FRMPD4: variants seen among roughly 807,000 people sequenced by gnomAD.
The protein encoded by FRMPD4 is FERM and PDZ domain-containing protein 4.
FRMPD4 carries 22 observed loss-of-function variants against 94.1 expected under a neutral mutation model. The ratio of observed to expected loss-of-function variants is 0.23; its 90% CI spans 0.17 to 0.33. FRMPD4 has a LOEUF of 0.33. Ranked by LOEUF, FRMPD4 falls within the 10% of genes least tolerant of loss-of-function variation. The pLI, the probability that FRMPD4 is intolerant of heterozygous loss-of-function variation, is 1.00. For missense variants in FRMPD4, 1,111 were observed against 1,339.9 expected, an observed-to-expected ratio of 0.83 and a Z score of 2.67; for synonymous variants, 631 against 548.6, an observed-to-expected ratio of 1.15 and a Z score of -2.10.
intron 1 of FRMPD4, among the ~76,000 whole-genome samples, chrX:12,411,639 C>T (rs1490972954): frequency 8.9e-6 from 1 of 111,985 alleles, no homozygotes; most frequent in African/African-American, 3.2e-5. Flanking sequence ...GATGCTAAAG[C>T]GTGGGAAATG....
intron 3 of FRMPD4, among the ~76,000 whole-genome samples, chrX:12,053,416 A>G (rs772286734): frequency 1.0e-5 from 1 of 99,028 alleles, no homozygotes; most frequent in Non-Finnish European, 2.1e-5. Context: ...GAAAGAAAGA[A>G]AGAAAGAAAG....
chrX:12,498,645 A>G, intron 1 of FRMPD4, 35 bp from the exon 2 acceptor site: 1 of 749,634 alleles, frequency 1.3e-6, no homozygotes. Flanking sequence ...TTCAGGAGTC[A>G]GGTGTAATGA....
chrX:12,122,033 G>C (rs2147536958), intron 3 of FRMPD4, among the ~76,000 whole-genome samples: 1 of 111,919 alleles, frequency 8.9e-6, no homozygotes, highest in East Asian at 2.8e-4. Context: ...TTATGAGTTT[G>C]ATATAATTAT....
chrX:12,629,454 T>C (rs761922682), intron 4 of FRMPD4, among the ~76,000 whole-genome samples: 2 of 112,413 alleles, frequency 1.8e-5, no homozygotes, highest in East Asian at 5.6e-4. Flanking sequence ...ACCTCTGTAA[T>C]GTATTAGCTG....
At chrX:12,195,374 G>A (rs974566153) in intron 1 of FRMPD4, among the ~76,000 whole-genome samples, 6 of 111,676 alleles carry the variant, frequency 5.4e-5, no homozygotes, top group Non-Finnish European at 7.5e-5. Flanking sequence ...CAGCTACACG[G>A]CAAGGATACA....
At chrX:11,884,614 C>T (rs183734531) in intron 3 of FRMPD4, among the ~76,000 whole-genome samples, 9 of 111,254 alleles carry the variant, frequency 8.1e-5, no homozygotes, top group African/African-American at 9.8e-5. Flanking sequence ...AACACACATA[C>T]ACATAATATG....
At chrX:12,400,725 GTT>G (rs2056599271) in intron 1 of FRMPD4, among the ~76,000 whole-genome samples, 3 of 111,789 alleles carry the variant, frequency 2.7e-5, no homozygotes, top group Admixed American at 9.5e-5. Context: ...TCACAAAAGA[GTT>G]TCATTTCATT....
At chrX:11,929,834 G>A (rs1482550495) in intron 3 of FRMPD4, among the ~76,000 whole-genome samples, 1 of 110,780 alleles carries the variant, frequency 9.0e-6, no homozygotes, top group Non-Finnish European at 1.9e-5. Flanking sequence ...TCAGCCGGGT[G>A]CGGTGGCTCA....
At chrX:12,673,086 C>G (rs73432837) in intron 4 of FRMPD4, among the ~76,000 whole-genome samples, 2,144 of 111,139 alleles carry the variant, frequency 0.019, 48 homozygotes, top group African/African-American at 0.066. Context: ...GAAAGGATAT[C>G]TGATTGGCTC....
chrX:12,656,408 T>C (rs2059656587), intron 4 of FRMPD4, among the ~76,000 whole-genome samples: 1 of 112,174 alleles, frequency 8.9e-6, no homozygotes. Context: ...TGCAAGACTG[T>C]TAATACATAG....
At chrX:12,344,897 C>T (rs904587868) in intron 1 of FRMPD4, among the ~76,000 whole-genome samples, 3 of 111,946 alleles carry the variant, frequency 2.7e-5, no homozygotes, top group African/African-American at 9.8e-5. Context: ...ATCCTTGCAC[C>T]CCCATCTAAG....
intron 1 of FRMPD4, among the ~76,000 whole-genome samples, chrX:12,427,807 TAA>T (rs1170383340): frequency 9.1e-6 from 1 of 110,227 alleles, no homozygotes; most frequent in Non-Finnish European, 1.9e-5. Context: ...AAATAACGCA[TAA>T]GTCACTTTTT....
At chrX:12,147,289 T>C (rs2055782133) in intron 1 of FRMPD4, among the ~76,000 whole-genome samples, 1 of 112,394 alleles carries the variant, frequency 8.9e-6, no homozygotes, top group African/African-American at 3.2e-5. Context: ...GCCAGTGGAA[T>C]ATGGACAGAA....
At chrX:12,703,902 G>A (rs557267471) in intron 10 of FRMPD4, among the ~76,000 whole-genome samples, 20 of 111,783 alleles carry the variant, frequency 1.8e-4, no homozygotes, top group East Asian at 2.8e-4. Context: ...AGGAGGGGAG[G>A]GACAGGGAAG....
At chrX:12,255,932 T>G (rs910638446) in intron 1 of FRMPD4, among the ~76,000 whole-genome samples, 1 of 112,141 alleles carries the variant, frequency 8.9e-6, no homozygotes, top group Admixed American at 9.4e-5. Context: ...GTCTGGTCAT[T>G]CTCTGTGTTT....
intron 4 of FRMPD4, among the ~76,000 whole-genome samples, chrX:12,648,013 A>C (rs971016748): frequency 9.0e-6 from 1 of 111,064 alleles, no homozygotes; most frequent in Admixed American, 9.6e-5. Flanking sequence ...TAGTTTTTCT[A>C]TCTCCTCAAC....
At chrX:12,095,957 C>G (rs1038787411) in intron 3 of FRMPD4, among the ~76,000 whole-genome samples, 5 of 112,031 alleles carry the variant, frequency 4.5e-5, no homozygotes, top group African/African-American at 1.6e-4. Flanking sequence ...AATCTGATCT[C>G]AGGATCTCTG....
chrX:12,196,672 A>T lies in FRMPD4; in HGVS notation c.41+57660A>T, dbSNP rs753476467. Among the ~76,000 whole-genome samples, 306 of 108,294 alleles carry T rather than the reference A, an allele frequency of 2.8e-3. 2 individuals carry two copies. Among genetic ancestry groups the T allele is most frequent in the African/African-American group, 9.6e-3 (290 of 30,150 alleles). 94.0% of individuals were successfully genotyped at this position (108,294 alleles called of 115,157 possible). Reference sequence around the variant, plus strand: ...TATATTTATAATCTATATATTATATATAATTTATATACACATGTGTGTATA... The same window carrying T: ...TATATTTATAATCTATATATTATATTTAATTTATATACACATGTGTGTATA... On this transcript the variant is annotated intron_variant, in intron 1 of 16. Transcript: ENST00000675598.
chrX:12,273,248 G>T (rs1454560996), intron 1 of FRMPD4, among the ~76,000 whole-genome samples: 1 of 111,853 alleles, frequency 8.9e-6, no homozygotes, highest in East Asian at 2.8e-4. Context: ...GCCTTAAAAA[G>T]CATTAGGAAA....
Sources: allele counts gnomAD v4.1 joint callset (sites outside exome capture counted in the v4.1 genomes callset), GRCh38; gene constraint gnomAD v4.1.1; transcripts MANE v1.5; gene names NCBI Gene and HGNC (gene_info 2026-07-23, HGNC 2026-07-21).